GLRA2: variants seen among roughly 807,000 people sequenced by gnomAD.
The protein encoded by GLRA2 is glycine receptor subunit alpha-2.
In GLRA2, 11 loss-of-function variants were observed where a neutral mutation model predicts 31.6. The ratio of observed to expected loss-of-function variants is 0.35; its 90% CI spans 0.22 to 0.58. GLRA2 has a LOEUF of 0.58. Among genes scored for constraint, GLRA2 ranks in the 20% least tolerant of loss-of-function variants. GLRA2 has a pLI of 0.84. For synonymous variants in GLRA2, 132 were observed against 134.0 expected, an observed-to-expected ratio of 0.99 and a Z score of 0.10; for missense variants, 212 against 351.8, an observed-to-expected ratio of 0.60 and a Z score of 3.18.
chrX:14,449,629 G>A, the GLRA2 span, among the ~76,000 whole-genome samples: 1 of 112,049 alleles, frequency 8.9e-6, no homozygotes. Context: ...ACCTGCCTGG[G>A]TCTCCCACAG....
rs1221944682 is a variant in GLRA2 at position 14,728,407 on chromosome X, A to G, written c.1081-1800A>G. ...GACTGTCTCAAAAAATAATAATAATAAAGGTTATAATTAATTTTTTATTGG... is the reference window on the plus strand; with the variant it reads ...GACTGTCTCAAAAAATAATAATAATGAAGGTTATAATTAATTTTTTATTGG... On this transcript the variant is annotated intron_variant, in intron 8 of 8. Coordinates refer to ENST00000218075, the MANE Select transcript of GLRA2 (RefSeq NM_002063.4). Among the ~76,000 whole-genome samples the G allele has an allele frequency of 5.5e-4, 61 of 111,507 alleles. 4 individuals are homozygous for G.
the GLRA2 span, among the ~76,000 whole-genome samples, chrX:14,479,362 A>C: frequency 1.8e-5 from 2 of 111,746 alleles, no homozygotes; most frequent in South Asian, 7.4e-4. Flanking sequence ...ACTAGTTTTC[A>C]ATGGATCTTT....
intron 5 of GLRA2, 84 bp downstream of exon 5, chrX:14,604,481 C>A: frequency 1.8e-6 from 1 of 564,516 alleles, no homozygotes; most frequent in Non-Finnish European, 2.9e-6. Flanking sequence ...GAGAAAGGAC[C>A]CTTACAACTC....
At chrX:14,556,211 A>C (rs3027338) in intron 2 of GLRA2, among the ~76,000 whole-genome samples, 4,972 of 111,715 alleles carry the variant, frequency 0.045, 120 homozygotes, top group Admixed American at 0.12. Flanking sequence ...CTTAAAAATT[A>C]TTAATGCAAA....
intron 5 of GLRA2, among the ~76,000 whole-genome samples, chrX:14,605,761 T>C (rs1246974077): frequency 8.9e-6 from 1 of 111,977 alleles, no homozygotes; most frequent in East Asian, 2.8e-4. Context: ...CCAATATTAC[T>C]TTCTTCATCC....
At chrX:14,679,061 G>A (rs1394649817) in intron 7 of GLRA2, among the ~76,000 whole-genome samples, 1 of 111,052 alleles carries the variant, frequency 9.0e-6, no homozygotes, top group Non-Finnish European at 1.9e-5. Context: ...ATGAAATTTA[G>A]AAGAATATAG....
chrX:14,726,923 G>A (rs766277858), intron 8 of GLRA2, among the ~76,000 whole-genome samples: 4 of 111,992 alleles, frequency 3.6e-5, no homozygotes, highest in South Asian at 3.7e-4. Flanking sequence ...TTAATCATGA[G>A]TTTCTAAAGG....
intron 4 of GLRA2, among the ~76,000 whole-genome samples, chrX:14,587,611 C>T (rs2090094357): frequency 8.9e-6 from 1 of 111,878 alleles, no homozygotes; most frequent in African/African-American, 3.3e-5. Context: ...CTGTTCATGT[C>T]CTTTGCCCAT....
At chrX:14,475,816 A>C in the GLRA2 span, among the ~76,000 whole-genome samples, 19 of 112,124 alleles carry the variant, frequency 1.7e-4, no homozygotes, top group East Asian at 3.9e-3. Flanking sequence ...TAAGTGGTTC[A>C]GGTATATTTC....
At chrX:14,464,533 G>A in the GLRA2 span, among the ~76,000 whole-genome samples, 3 of 111,540 alleles carry the variant, frequency 2.7e-5, no homozygotes, top group East Asian at 2.8e-4. Flanking sequence ...CTGTTTCATG[G>A]GTCTATGTAT....
At chrX:14,724,275 C>T (rs2091901064) in intron 8 of GLRA2, among the ~76,000 whole-genome samples, 1 of 111,162 alleles carries the variant, frequency 9.0e-6, no homozygotes, top group African/African-American at 3.3e-5. Flanking sequence ...TTGTTCATTG[C>T]TGTAACTCTA....
the GLRA2 span, among the ~76,000 whole-genome samples, chrX:14,507,058 T>C: frequency 8.9e-6 from 1 of 112,034 alleles, no homozygotes; most frequent in Non-Finnish European, 1.9e-5. Context: ...TCAACCCAGT[T>C]TCAACCATTC....
chrX:14,698,681 C>CAAAAAAAAAAAA (rs749925474), intron 8 of GLRA2, among the ~76,000 whole-genome samples: 1 of 21,123 alleles, frequency 4.7e-5, no homozygotes, highest in Non-Finnish European at 7.8e-5. Context: ...CTATCTATCT[C>CAAAAAAAAAAAA]AAAAAAAAAA....
the GLRA2 span, among the ~76,000 whole-genome samples, chrX:14,459,564 A>G: frequency 1.6e-3 from 177 of 110,956 alleles, 1 homozygote; most frequent in African/African-American, 5.5e-3. Context: ...AGTGGTTTGT[A>G]GTTCTCCTTG....
chrX:14,574,511 C>T (rs759033905), intron 3 of GLRA2, 111 bp downstream of exon 3: 1 of 1,202,764 alleles, frequency 8.3e-7, no homozygotes, highest in African/African-American at 1.8e-5. Flanking sequence ...TAAATGTTAC[C>T]TGCAACATAT....
At chrX:14,644,021 GAGA>G (rs1294529568) in intron 7 of GLRA2, among the ~76,000 whole-genome samples, 1 of 111,508 alleles carries the variant, frequency 9.0e-6, no homozygotes, top group Non-Finnish European at 1.9e-5. Flanking sequence ...ACTGTTGAGA[GAGA>G]AGAATACACT....
At chrX:14,509,602 G>A in the GLRA2 span, among the ~76,000 whole-genome samples, 9 of 112,269 alleles carry the variant, frequency 8.0e-5, no homozygotes, top group Non-Finnish European at 1.3e-4. Flanking sequence ...GGCTTAAAGT[G>A]TTGTAAAAGT....
intron 7 of GLRA2, among the ~76,000 whole-genome samples, chrX:14,637,986 G>T (rs1208129592): frequency 1.8e-5 from 2 of 111,478 alleles, no homozygotes; most frequent in African/African-American, 6.5e-5. Context: ...TTACATTTTA[G>T]AAATAAAAGA....
the GLRA2 span, among the ~76,000 whole-genome samples, chrX:14,456,096 A>G: frequency 8.9e-6 from 1 of 111,897 alleles, no homozygotes; most frequent in Non-Finnish European, 1.9e-5. Flanking sequence ...CTGAAGAACT[A>G]TCTGATCACA....
Sources: gnomAD v4.1 joint callset for allele counts (sites outside exome capture counted in the v4.1 genomes callset) on GRCh38, gnomAD v4.1.1 for gene constraint, MANE v1.5 for transcripts, NCBI Gene and HGNC (gene_info 2026-07-23, HGNC 2026-07-21) for gene names.